AP2A2: variants seen among roughly 807,000 people sequenced by gnomAD.
AP2A2 encodes the protein AP-2 complex subunit alpha-2.
AP2A2 carries 32 observed loss-of-function variants against 104.2 expected under a neutral mutation model. The ratio of observed to expected loss-of-function variants is 0.31; its 90% CI spans 0.23 to 0.41. The LOEUF (loss-of-function observed/expected upper bound fraction) is 0.41. Among genes scored for constraint, AP2A2 ranks in the 10% least tolerant of loss-of-function variants. AP2A2 has a pLI of 1.00. For missense variants in AP2A2, 912 were observed against 1,261.0 expected (o/e 0.72, Z 4.19); for synonymous variants, 539 against 533.3 (o/e 1.01, Z -0.15).
At chr11:937,267 G>A (rs1012241630) in intron 1 of AP2A2, among the ~76,000 whole-genome samples, 2 of 151,942 alleles carry the variant, frequency 1.3e-5, no homozygotes, top group African/African-American at 4.8e-5. Context: ...TGATCCGCCC[G>A]CTTCGGCCTC....
intron 2 of AP2A2, among the ~76,000 whole-genome samples, chr11:969,378 C>T (rs1450562005): frequency 1.3e-5 from 2 of 151,778 alleles, no homozygotes; most frequent in African/African-American, 4.8e-5. Context: ...TACAGGCATG[C>T]ACCACCACGC....
rs564655930 is a variant in AP2A2, at chr11:960,328, C to T, written c.136+823C>T. ...CACGATCTTGGCTCACCGCAACCTC[C>T]GCCTTCCAGGTTCAAGCGGTTCTCC... On this transcript the variant is annotated intron_variant, in intron 2 of 21. Transcript: ENST00000448903. Among the ~76,000 whole-genome samples the T allele has an allele frequency of 4.6e-5, 7 of 152,176 alleles. No individual in the cohort carries two copies. The South Asian group carries it at 6.2e-4, about 14-fold the overall frequency.
intron 3 of AP2A2, among the ~76,000 whole-genome samples, chr11:970,808 C>A (rs1469106932): frequency 6.6e-6 from 1 of 152,212 alleles, no homozygotes; most frequent in Non-Finnish European, 1.5e-5. Context: ...AGCTTTGTTT[C>A]TGCAGTAGGC....
chr11:925,965 C>G lies in AP2A2; in HGVS notation c.-57C>G, dbSNP rs1853105073. 3 of 1,318,304 alleles carry G rather than the reference C, an allele frequency of 2.3e-6. No individual in the cohort carries two copies. The highest frequency in any genetic ancestry group is 3.3e-5 in the East Asian group (1 of 30,508). The allele number at this position is 1,318,304 out of a possible 1,614,324, so 81.7% of individuals were successfully genotyped here. On this transcript the variant is annotated 5_prime_UTR_variant, in exon 1 of 22. Transcript: ENST00000448903. ...CGGCGACCGCACTCCCCGCTTCCCGCTCCCCGCGCTCCTCCGCCCGGGTCC... is the reference window on the plus strand; with the variant it reads ...CGGCGACCGCACTCCCCGCTTCCCGGTCCCCGCGCTCCTCCGCCCGGGTCC...
intron 1 of AP2A2, among the ~76,000 whole-genome samples, chr11:927,690 A>G (rs1416152722): frequency 6.6e-6 from 1 of 151,720 alleles, no homozygotes; most frequent in Non-Finnish European, 1.5e-5. Flanking sequence ...ATTGGTGTAC[A>G]CATCTATAGT....
chr11:1,004,766 AC>A (rs1203826314), intron 16 of AP2A2, among the ~76,000 whole-genome samples: 5 of 152,178 alleles, frequency 3.3e-5, no homozygotes, highest in African/African-American at 1.2e-4. Flanking sequence ...ACAGAGCGAG[AC>A]CCTGTCGTTC....
chr11:992,488 G>A lies in AP2A2; in HGVS notation c.1270-15G>A, dbSNP rs1271568063. 5.7e-6 allele frequency: 9 copies of A among 1,571,760 alleles called. No homozygotes were observed. The highest frequency in any genetic ancestry group is 1.4e-5 in the African/African-American group (1 of 73,988). On this transcript the variant is annotated splice_polypyrimidine_tract_variant and intron_variant, in intron 10 of 21. Transcript: ENST00000448903. The surrounding 1 kb of genome is among the most constrained non-coding windows in gnomAD (Gnocchi z 6.4). ...GGCCTGCAGGTGCCGGCCCTCAGCAGCCTGTCCCCCACAGGTGCTGAAGGT... is the reference window on the plus strand; with the variant it reads ...GGCCTGCAGGTGCCGGCCCTCAGCAACCTGTCCCCCACAGGTGCTGAAGGT...
At chr11:953,837 C>CT (rs764828583) in intron 1 of AP2A2, among the ~76,000 whole-genome samples, 10,796 of 140,078 alleles carry the variant, frequency 0.077, 466 homozygotes, top group Admixed American at 0.1. Flanking sequence ...TACCTTCTCT[C>CT]TTTTTTTTTT....
intron 14 of AP2A2, among the ~76,000 whole-genome samples, chr11:994,633 G>A (rs1288552549): frequency 7.3e-6 from 1 of 136,460 alleles, no homozygotes; most frequent in Admixed American, 7.1e-5. Context: ...CTGCTGGCCT[G>A]TCCCGGGGGC....
intron 4 of AP2A2, among the ~76,000 whole-genome samples, chr11:975,898 C>A (rs1408831578): frequency 6.6e-6 from 1 of 152,184 alleles, no homozygotes; most frequent in Non-Finnish European, 1.5e-5. Flanking sequence ...TTGGTGTGAG[C>A]TGATGATTTA....
At chr11:963,969 T>C (rs1398650374) in intron 2 of AP2A2, among the ~76,000 whole-genome samples, 1 of 152,190 alleles carries the variant, frequency 6.6e-6, no homozygotes, top group Admixed American at 6.5e-5. Flanking sequence ...GGGAGGCTGT[T>C]AAACAACCGA....
At chr11:984,983 T>A (rs1227912509) in intron 7 of AP2A2, among the ~76,000 whole-genome samples, 1 of 152,204 alleles carries the variant, frequency 6.6e-6, no homozygotes, top group Non-Finnish European at 1.5e-5. Context: ...AGTATCAGAT[T>A]TGTGCAGGTT....
In AP2A2 at chr11:1,000,480, C is replaced by T. The variant is rs111435435; in HGVS notation, c.2005C>T (p.Pro669Ser). The T allele has an allele frequency of 2.2e-5, 34 of 1,540,016 alleles. No homozygotes were observed. The highest frequency in any genetic ancestry group is 4.9e-5 in the East Asian group (2 of 41,048). ...CCTGCTGGGTCTCGGGGCTGCCCCC[C>T]CTGCCCCCGCGGGCCCCCCACCCTC... ...ADLLGLGAAP[P>S]APAGPPPSSG... The change falls in exon 15 of 22, where the codon CCT becomes TCT. Residue 669 changes from proline to serine, a missense_variant. Pro to Ser is a moderately conservative substitution (Grantham distance 74). Transcript: ENST00000448903.
chr11:930,800 G>A (rs1423877270), intron 1 of AP2A2, among the ~76,000 whole-genome samples: 7 of 152,322 alleles, frequency 4.6e-5, no homozygotes, highest in African/African-American at 1.7e-4. Flanking sequence ...GATTACAGGC[G>A]TGAGCCACTG....
At position 992,373 on chromosome 11, in the gene AP2A2, C is replaced by T. The variant is rs768744419; in HGVS notation, c.1270-130C>T. 7.5e-5 allele frequency: 69 copies of T among 923,332 alleles called. No homozygotes were observed. Among genetic ancestry groups the T allele is most frequent in the Non-Finnish European group, 9.7e-5 (58 of 596,174 alleles). The allele number at this position is 923,332 out of a possible 1,614,324, so 57.2% of individuals were successfully genotyped here. ...TTTTTGAGAATCGAGTTCAAGCTTC[C>T]TCCATGTCCCAAACTTTTGTAGACA... On this transcript the variant is annotated intron_variant, in intron 10 of 21. Transcript: ENST00000448903. The surrounding 1 kb of genome is among the most constrained non-coding windows in gnomAD (Gnocchi z 6.4).
chr11:975,142 G>C (rs1000311488), intron 4 of AP2A2, among the ~76,000 whole-genome samples: 1 of 152,260 alleles, frequency 6.6e-6, no homozygotes, highest in Admixed American at 6.5e-5. Flanking sequence ...CAAGGCAGAA[G>C]AGTGGGGTGG....
chr11:988,736 C>A (rs1855547746), intron 10 of AP2A2, 47 bp downstream of exon 10: 1 of 1,605,214 alleles, frequency 6.2e-7, no homozygotes, highest in East Asian at 2.2e-5. Flanking sequence ...AGGCGTGAAT[C>A]TCAGCGGCAG....
intron 4 of AP2A2, among the ~76,000 whole-genome samples, chr11:976,088 A>G (rs1855023759): frequency 6.6e-6 from 1 of 152,210 alleles, no homozygotes; most frequent in African/African-American, 2.4e-5. Flanking sequence ...TGGCAAGGAC[A>G]GCCCTGCTGG....
intron 1 of AP2A2, among the ~76,000 whole-genome samples, chr11:938,771 G>A (rs963246862): frequency 6.6e-6 from 1 of 152,032 alleles, no homozygotes; most frequent in African/African-American, 2.4e-5. Flanking sequence ...GCTGTGCCCG[G>A]CCCAAATGTT....
Sources: allele counts gnomAD v4.1 joint callset (sites outside exome capture counted in the v4.1 genomes callset), GRCh38; gene constraint gnomAD v4.1.1; non-coding constraint Gnocchi (gnomAD v3.1); transcripts MANE v1.5; gene names NCBI Gene and HGNC (gene_info 2026-07-23, HGNC 2026-07-21).